Variants in PPME1 observed in about 807,000 individuals in gnomAD.
PPME1 encodes testicular secretory protein Li 39.
PPME1 carries 17 observed loss-of-function variants against 56.9 expected under a neutral mutation model. The ratio of observed to expected loss-of-function variants is 0.30; its 90% confidence interval spans 0.20 to 0.45. The LOEUF (loss-of-function observed/expected upper bound fraction) is 0.45, where lower values mean the gene tolerates loss of function less well. PPME1 is among the 20% of genes least tolerant of loss of function. PPME1 has a pLI of 1.00. For synonymous variants in PPME1, 122 were observed against 156.2 expected (o/e 0.78, Z 1.63); for missense variants, 357 against 483.2 (o/e 0.74, Z 2.45).
chr11:74,222,436 CTA>C, intron 4 of PPME1, 67 bp downstream of exon 4: 1 of 1,367,544 alleles, frequency 7.3e-7, no homozygotes, highest in Non-Finnish European at 1.0e-6. Flanking sequence ...ATAGTTGTAA[CTA>C]TTAGAAATTT....
intron 5 of PPME1, among the ~76,000 whole-genome samples, chr11:74,225,639 T>G (rs1858915538): frequency 6.6e-6 from 1 of 152,192 alleles, no homozygotes; most frequent in African/African-American, 2.4e-5. Context: ...TCAGGTATCC[T>G]GCGTACATTC....
chr11:74,207,729 A>G (rs1858362922), intron 3 of PPME1, among the ~76,000 whole-genome samples: 1 of 152,206 alleles, frequency 6.6e-6, no homozygotes, highest in Non-Finnish European at 1.5e-5. Context: ...TCCAGAATGA[A>G]GCAGAAACTG....
At chr11:74,199,630 A>G (rs1029466338) in intron 1 of PPME1, among the ~76,000 whole-genome samples, 1 of 152,230 alleles carries the variant, frequency 6.6e-6, no homozygotes, top group African/African-American at 2.4e-5. Flanking sequence ...GTACACCACC[A>G]CAACCAACAA....
intron 1 of PPME1, among the ~76,000 whole-genome samples, chr11:74,202,727 G>C (rs1007659617): frequency 6.6e-6 from 1 of 151,968 alleles, no homozygotes; most frequent in Non-Finnish European, 1.5e-5. Flanking sequence ...GATTTATTTT[G>C]TTTTAGAATA....
chr11:74,182,143 A>T (rs1372678213), intron 1 of PPME1, among the ~76,000 whole-genome samples: 1 of 152,092 alleles, frequency 6.6e-6, no homozygotes, highest in Non-Finnish European at 1.5e-5. Context: ...ACAAACTAGG[A>T]TTCTCTTCCT....
At chr11:74,217,986 A>G (rs888516453) in intron 3 of PPME1, among the ~76,000 whole-genome samples, 2 of 152,178 alleles carry the variant, frequency 1.3e-5, no homozygotes, top group Non-Finnish European at 2.9e-5. Context: ...GAAAAAGTAA[A>G]TTATCCTGTT....
At chr11:74,175,337 T>G (rs1307364212) in intron 1 of PPME1, among the ~76,000 whole-genome samples, 1 of 151,934 alleles carries the variant, frequency 6.6e-6, no homozygotes, top group Admixed American at 6.6e-5. Flanking sequence ...ACACCGTCTC[T>G]CCTAAAAATA....
chr11:74,243,304 T>G (rs1295213537), intron 9 of PPME1: 1 of 152,094 alleles, frequency 6.6e-6, no homozygotes, highest in Non-Finnish European at 1.5e-5. Context: ...AGAATTTTTT[T>G]TTTTGGTTTT....
rs1390279578 is a variant in PPME1 at position 74,230,179 on chromosome 11, G to A, written c.399-66G>A. 5.9e-6 allele frequency: 9 copies of A among 1,522,346 alleles called. No homozygotes were observed. The highest frequency in any genetic ancestry group is 8.0e-6 in the Non-Finnish European group (9 of 1,130,352). 94.3% of individuals were successfully genotyped at this position (1,522,346 alleles called of 1,614,324 possible). On this transcript the variant is annotated intron_variant, in intron 5 of 13. Coordinates refer to ENST00000328257, the MANE Select transcript of PPME1 (RefSeq NM_016147.3). This position sits in a 1 kb window ranked among gnomAD's most constrained non-coding sequence, Gnocchi z 4.9. The stretch of plus-strand genomic sequence containing the variant: ...GTTACACACCAAAGAAAGGAACTGG[G>A]AAAGAAAACCATTTTTACAGTGTTG...
At chr11:74,190,265 AG>A (rs1383535626) in intron 1 of PPME1, among the ~76,000 whole-genome samples, 1 of 151,848 alleles carries the variant, frequency 6.6e-6, no homozygotes, top group Non-Finnish European at 1.5e-5. Flanking sequence ...TGCTGGAGGT[AG>A]GGCCCAGTGG....
At position 74,194,343 on chromosome 11, in the gene PPME1, G is replaced by C. The variant is rs139035473; in HGVS notation, c.102-9385G>C. ...GCTCCGCAGCAAGACTTCCCACCTCGGGCTTTGTGTCCTGTTCTGTGTGCA... is the reference window on the plus strand; with the variant it reads ...GCTCCGCAGCAAGACTTCCCACCTCCGGCTTTGTGTCCTGTTCTGTGTGCA... On this transcript the variant is annotated intron_variant, in intron 1 of 13. Transcript: ENST00000328257. 5.3e-5 allele frequency among the ~76,000 whole-genome samples: 8 copies of C among 151,130 alleles called. No homozygotes were observed. The East Asian group carries it at 1.5e-3, about 29-fold the overall frequency.
chr11:74,246,983 A>C, intron 10 of PPME1, 96 bp from the exon 11 acceptor site: 1 of 1,056,968 alleles, frequency 9.5e-7, no homozygotes. Flanking sequence ...TATAAACATG[A>C]ATGGAGAATG....
intron 1 of PPME1, among the ~76,000 whole-genome samples, chr11:74,172,445 T>C (rs1857283522): frequency 6.6e-6 from 1 of 152,208 alleles, no homozygotes; most frequent in African/African-American, 2.4e-5. Flanking sequence ...GCAATCAGTT[T>C]TTGCTGGGCT....
chr11:74,211,902 G>A (rs970652927), intron 3 of PPME1, among the ~76,000 whole-genome samples: 20 of 152,126 alleles, frequency 1.3e-4, no homozygotes, highest in African/African-American at 4.8e-4. Context: ...AATATAAAGT[G>A]AAATAAAAGA....
intron 3 of PPME1, among the ~76,000 whole-genome samples, chr11:74,222,066 A>G (rs1422043701): frequency 2.0e-5 from 3 of 152,236 alleles, no homozygotes; most frequent in African/African-American, 7.2e-5. Context: ...AAGGATAGGA[A>G]GAATTAAGAT....
At chr11:74,229,316 G>C (rs1431636829) in intron 5 of PPME1, among the ~76,000 whole-genome samples, 1 of 152,006 alleles carries the variant, frequency 6.6e-6, no homozygotes, top group Non-Finnish European at 1.5e-5. Flanking sequence ...AAAAGAAGGG[G>C]GTAGAACTAG....
intron 11 of PPME1, chr11:74,249,721 C>T (rs573103341): frequency 6.6e-6 from 1 of 152,336 alleles, no homozygotes; most frequent in Non-Finnish European, 1.5e-5. Context: ...GGAAATGACA[C>T]ACTCCTGGGG....
rs745377674 is a variant in PPME1 at position 74,239,190 on chromosome 11, GGAA to G, written c.780_782del (p.Glu260del). The G allele has an allele frequency of 8.1e-6, 13 of 1,613,206 alleles. No individual in the cohort carries two copies. In the Middle Eastern group the frequency reaches 6.6e-4, roughly 82 times the overall value. On this transcript the variant is annotated inframe_deletion, in exon 9 of 14. Transcript: ENST00000328257. The stretch of plus-strand genomic sequence containing the variant: ...AATCTATAGTGGAAGGAATCATAGA[GGAA>G]GAAGAAGAAGATGAGGAAGGAAGTG...
Position 74,253,545 on chromosome 11 carries a change from C to G in PPME1, c.*35C>G, listed in dbSNP as rs369860847. 56 of 1,587,606 alleles carry G rather than the reference C, an allele frequency of 3.5e-5. No homozygotes were observed. The highest frequency in any genetic ancestry group is 4.8e-5 in the Non-Finnish European group (56 of 1,155,980). The stretch of plus-strand genomic sequence containing the variant: ...GTCCACCCCTCCTCAACATCGAGCT[C>G]TGTTGTAAATACGTCGCACCAGAGG... On this transcript the variant is annotated 3_prime_UTR_variant, in exon 14 of 14. Coordinates refer to ENST00000328257, the MANE Select transcript of PPME1 (RefSeq NM_016147.3).
Sources: gnomAD v4.1 joint callset for allele counts (sites outside exome capture counted in the v4.1 genomes callset) on GRCh38, gnomAD v4.1.1 for gene constraint, Gnocchi (gnomAD v3.1) non-coding constraint, MANE v1.5 for transcripts, NCBI Gene and HGNC (gene_info 2026-07-23, HGNC 2026-07-21) for gene names.